Variants in DNAH11 observed in about 807,000 individuals in gnomAD.
DNAH11 encodes axonemal beta dynein heavy chain 11.
Under a neutral mutation model 526.0 loss-of-function variants are expected in DNAH11, and 442 were observed. That is an observed-to-expected ratio of 0.84 (90% CI 0.78 to 0.91). The LOEUF is 0.91. DNAH11 is among the 40% of genes least tolerant of loss of function. The pLI, the probability that DNAH11 is intolerant of heterozygous loss-of-function variation, is 0.00. For synonymous variants in DNAH11, 2,461 were observed against 1,935.9 expected, an observed-to-expected ratio of 1.27 and a Z score of -7.12; for missense variants, 6,989 against 5,448.7, an observed-to-expected ratio of 1.28 and a Z score of -8.90.
At chr7:21,864,705 T>C (rs1783204479) in intron 70 of DNAH11, 48 bp downstream of exon 70, 1 of 1,521,082 alleles carries the variant, frequency 6.6e-7, no homozygotes, top group Non-Finnish European at 8.8e-7. Context: ...ATTTAAAATA[T>C]TAGCTCTCTC....
chr7:21,786,868 A>G, intron 59 of DNAH11, 101 bp downstream of exon 59: 1 of 1,466,894 alleles, frequency 6.8e-7, no homozygotes, highest in Non-Finnish European at 9.3e-7. Flanking sequence ...GTCAGAAGAA[A>G]TCATCTTCAT....
At chr7:21,710,508 A>C (rs1784419156) in intron 40 of DNAH11, 45 bp from the exon 41 acceptor site, 1 of 1,487,590 alleles carries the variant, frequency 6.7e-7, no homozygotes, top group South Asian at 1.3e-5. Context: ...GAATAATATC[A>C]ATCTATCGTA....
chr7:21,580,277 A>C (rs1218114364), intron 8 of DNAH11, among the ~76,000 whole-genome samples: 2 of 152,194 alleles, frequency 1.3e-5, no homozygotes, highest in Non-Finnish European at 2.9e-5. Flanking sequence ...TACTAAGAAG[A>C]GGGATGTTAG....
intron 68 of DNAH11, among the ~76,000 whole-genome samples, chr7:21,858,258 GCT>G (rs796545515): frequency 5.3e-5 from 8 of 152,292 alleles, no homozygotes; most frequent in African/African-American, 1.9e-4. Context: ...TGGTACTACA[GCT>G]CTCTCACATT....
chr7:21,571,298 A>G (rs1328601738), intron 7 of DNAH11, among the ~76,000 whole-genome samples: 1 of 152,050 alleles, frequency 6.6e-6, no homozygotes, highest in Non-Finnish European at 1.5e-5. Flanking sequence ...TCTTTTTTTT[A>G]GAGACAGGGT....
At chr7:21,790,851 C>T (rs898921307) in intron 61 of DNAH11, among the ~76,000 whole-genome samples, 6 of 152,244 alleles carry the variant, frequency 3.9e-5, no homozygotes, top group African/African-American at 1.4e-4. Flanking sequence ...TGAGCATAGG[C>T]TTTCTTTGCC....
intron 45 of DNAH11, among the ~76,000 whole-genome samples, chr7:21,727,653 T>C (rs1376045290): frequency 6.6e-6 from 1 of 152,224 alleles, no homozygotes; most frequent in Non-Finnish European, 1.5e-5. Flanking sequence ...TTCTGACTCA[T>C]TTTGGAGCTT....
rs10269814 is a variant in DNAH11, at chr7:21,545,082, C to T, written c.428C>T (p.Ser143Phe). 1 of 1,608,290 alleles carries T rather than the reference C, an allele frequency of 6.2e-7. No individual in the cohort carries two copies. Among genetic ancestry groups the T allele is most frequent in the Non-Finnish European group, 8.5e-7 (1 of 1,176,884 alleles). Residue 143 changes from serine (S) to phenylalanine (F), a missense_variant, in exon 2 of 82, where the codon TCT becomes TTT. Transcript: ENST00000409508. ...GAAAGCATTGGAGTAAATGACTTTT[C>T]TCAAGTGGTTTTATTTGGAGAGTTA... The part of the protein sequence containing the change: ...ITESIGVNDF[S>F]QVVLFGELPA...
In DNAH11 at chr7:21,861,965, C is replaced by T. The variant is rs1398824585; in HGVS notation, c.11315C>T (p.Thr3772Ile). ...ATCACCCATGCTGTCTTCCTCTACA[C>T]CAGCCAGGCGCTGTTTGAGAAGGAC... Reference protein sequence around the residue: ...ESITHAVFLYTSQALFEKDKL... With the variant: ...ESITHAVFLYISQALFEKDKL... Residue 3772 changes from threonine to isoleucine, a missense_variant, in exon 69 of 82, where the codon ACC becomes ATC. Physicochemically the swap from Thr to Ile is moderately conservative, Grantham distance 89 (BLOSUM62 -1). Transcript: ENST00000409508. 2.5e-6 allele frequency: 4 copies of T among 1,613,646 alleles called. No individual in the cohort carries two copies. In the East Asian group the frequency reaches 6.7e-5, roughly 27 times the overall value.
chr7:21,759,641 A>G (rs983130200), intron 54 of DNAH11, among the ~76,000 whole-genome samples: 8 of 152,300 alleles, frequency 5.3e-5, no homozygotes, highest in Admixed American at 2.0e-4. Context: ...TGAAGTAAAT[A>G]TGTAGGAGGG....
intron 61 of DNAH11, among the ~76,000 whole-genome samples, chr7:21,796,063 T>A (rs1054770002): frequency 5.3e-5 from 8 of 152,180 alleles, no homozygotes; most frequent in Admixed American, 3.9e-4. Context: ...AGGGACATGA[T>A]CACACGGGAA....
chr7:21,835,261 C>T (rs906010921), intron 65 of DNAH11, among the ~76,000 whole-genome samples: 3 of 147,504 alleles, frequency 2.0e-5, no homozygotes, highest in Non-Finnish European at 3.0e-5. Flanking sequence ...TTCTTCCAAA[C>T]TCAACCTGAG....
At chr7:21,820,566 G>C (rs971522316) in intron 65 of DNAH11, among the ~76,000 whole-genome samples, 8 of 152,130 alleles carry the variant, frequency 5.3e-5, no homozygotes, top group Admixed American at 5.2e-4. Context: ...ACTGCAAATA[G>C]AATCCAAATG....
At chr7:21,574,682 G>A (rs1374687343) in intron 8 of DNAH11, among the ~76,000 whole-genome samples, 1 of 150,526 alleles carries the variant, frequency 6.6e-6, no homozygotes, top group African/African-American at 2.4e-5. Flanking sequence ...TTCTGCCTCA[G>A]CCTCCTGAGT....
chr7:21,545,527 T>G (rs966054608), intron 2 of DNAH11, among the ~76,000 whole-genome samples: 28 of 152,212 alleles, frequency 1.8e-4, no homozygotes, highest in African/African-American at 6.0e-4. Context: ...GAGACAAATT[T>G]ACACTTTGAA....
chr7:21,818,415 C>T, intron 65 of DNAH11, 76 bp downstream of exon 65: 4 of 1,511,390 alleles, frequency 2.6e-6, no homozygotes, highest in Non-Finnish European at 3.6e-6. Flanking sequence ...GCTTCATAGT[C>T]AAGCAGTCTA....
chr7:21,672,716 A>AT (rs534995536), intron 30 of DNAH11, among the ~76,000 whole-genome samples: 6 of 151,942 alleles, frequency 3.9e-5, no homozygotes, highest in Admixed American at 6.6e-5. Flanking sequence ...TGCAAGGAAG[A>AT]TTTTTTTTCT....
At chr7:21,587,939 C>T (rs1468374775) in intron 9 of DNAH11, 125 bp from the exon 10 acceptor site, 15 of 811,662 alleles carry the variant, frequency 1.8e-5, no homozygotes, top group Non-Finnish European at 2.7e-5. Context: ...CATTTTGAAG[C>T]ATCACAGGAT....
In DNAH11 at chr7:21,784,355, A is replaced by G. The variant is rs375122806; in HGVS notation, c.9484-72A>G. The G allele has an allele frequency of 7.6e-5, 87 of 1,141,878 alleles. 2 individuals carry two copies. The African/African-American group carries it at 1.0e-3, about 13-fold the overall frequency. 70.7% of individuals were successfully genotyped at this position (1,141,878 alleles called of 1,614,324 possible). Reference sequence around the variant, plus strand: ...ATTATTTAACAGTGCATCTGAGTCAACCTCCATTTTTCTTTAGAGATATCT... The same window carrying G: ...ATTATTTAACAGTGCATCTGAGTCAGCCTCCATTTTTCTTTAGAGATATCT... On this transcript the variant is annotated intron_variant, in intron 57 of 81. Transcript: ENST00000409508.
Sources: allele counts gnomAD v4.1 joint callset (sites outside exome capture counted in the v4.1 genomes callset), GRCh38; gene constraint gnomAD v4.1.1; transcripts MANE v1.5; gene names NCBI Gene and HGNC (gene_info 2026-07-23, HGNC 2026-07-21).